Variants in ZSCAN5A observed in about 807,000 individuals in gnomAD.
ZSCAN5A encodes the protein zinc finger and SCAN domain containing 5A.
Under a neutral mutation model 23.7 loss-of-function variants are expected in ZSCAN5A, and 12 were observed. The observed-to-expected ratio is 0.51, with a 90% CI of 0.32 to 0.82. The LOEUF is 0.82. Among genes scored for constraint, ZSCAN5A ranks in the 40% least tolerant of loss-of-function variants. The pLI, the probability that ZSCAN5A is intolerant of heterozygous loss-of-function variation, is 0.03. For missense variants in ZSCAN5A, 597 were observed against 617.9 expected (o/e 0.97, Z 0.36); for synonymous variants, 257 against 239.9 (o/e 1.07, Z -0.66).
chr19:56,234,980 C>A (rs1049292609), intron 2 of ZSCAN5A, among the ~76,000 whole-genome samples: 3 of 152,244 alleles, frequency 2.0e-5, no homozygotes, highest in African/African-American at 7.2e-5. Context: ...GCAGCCAGTT[C>A]TAGGCAAGAT....
At chr19:56,318,448 A>G (rs10418888), upstream of ZSCAN5A, among the ~76,000 whole-genome samples, 54,672 of 151,962 alleles carry the variant, frequency 0.36, 10,111 homozygotes, top group Middle Eastern at 0.55. Flanking sequence ...TCCAATCTAG[A>G]ACAATAACCC....
intron 2 of ZSCAN5A, among the ~76,000 whole-genome samples, chr19:56,276,504 CTCTT>C (rs1421000410): frequency 1.0e-5 from 1 of 97,058 alleles, no homozygotes; most frequent in Non-Finnish European, 2.6e-5. Context: ...ATCTAAAGAG[CTCTT>C]TTTTTTTTTT....
At chr19:56,280,520 T>C (rs1174416418) in intron 2 of ZSCAN5A, 1 of 152,176 alleles carries the variant, frequency 6.6e-6, no homozygotes. Flanking sequence ...TATATATAGA[T>C]ATATATTTCT....
At chr19:56,239,162 C>A (rs2035214291) in intron 2 of ZSCAN5A, among the ~76,000 whole-genome samples, 1 of 152,166 alleles carries the variant, frequency 6.6e-6, no homozygotes, top group Admixed American at 6.5e-5. Context: ...TTGAAGTTCA[C>A]AAAATTCAGT....
At chr19:56,269,616 C>T (rs1003333401) in intron 2 of ZSCAN5A, among the ~76,000 whole-genome samples, 4 of 152,026 alleles carry the variant, frequency 2.6e-5, no homozygotes, top group East Asian at 1.9e-4. Context: ...CAGAGGGAGA[C>T]GGAATGATGA....
chr19:56,349,893 T>C (rs912271922), intron 2 of ZSCAN5A, among the ~76,000 whole-genome samples: 7 of 152,214 alleles, frequency 4.6e-5, no homozygotes, highest in African/African-American at 1.7e-4. Flanking sequence ...AATGCATATT[T>C]GCAGAGAGAT....
intron 2 of ZSCAN5A, chr19:56,321,906 T>C (rs967955192): frequency 1.3e-6 from 1 of 784,326 alleles, no homozygotes; most frequent in African/African-American, 1.7e-5. Context: ...TCTGTTACCA[T>C]CCGGTACTGC....
intron 2 of ZSCAN5A, among the ~76,000 whole-genome samples, chr19:56,268,701 G>A (rs144633282): frequency 2.0e-5 from 3 of 152,076 alleles, no homozygotes; most frequent in Non-Finnish European, 4.4e-5. Flanking sequence ...GTGCATTCTC[G>A]ATGTTGTTCA....
At chr19:56,349,704 CAAAAAAAAAAAA>C (rs3059533) in intron 2 of ZSCAN5A, among the ~76,000 whole-genome samples, 7 of 30,904 alleles carry the variant, frequency 2.3e-4, no homozygotes, top group Admixed American at 9.6e-4. Flanking sequence ...AACTCCGTCT[CAAAAAAAAAAAA>C]AAAAAAAAAA....
chr19:56,346,758 G>A (rs2041636517), intron 2 of ZSCAN5A, among the ~76,000 whole-genome samples: 1 of 151,800 alleles, frequency 6.6e-6, no homozygotes. Flanking sequence ...GCCCAGGCTG[G>A]AGTGTAGTGG....
chr19:56,304,072 G>C (rs888555195), intron 2 of ZSCAN5A, among the ~76,000 whole-genome samples: 3 of 152,176 alleles, frequency 2.0e-5, no homozygotes, highest in Non-Finnish European at 2.9e-5. Context: ...TCCCTTCTGA[G>C]TTATCAAAGG....
chr19:56,305,603 A>G (rs1018535589), intron 2 of ZSCAN5A, among the ~76,000 whole-genome samples: 2 of 152,208 alleles, frequency 1.3e-5, no homozygotes, highest in Admixed American at 1.3e-4. Context: ...TGGAATTGCT[A>G]GGTCATATGA....
At chr19:56,322,046 C>T (rs747992341) in intron 2 of ZSCAN5A, 33 of 773,812 alleles carry the variant, frequency 4.3e-5, no homozygotes, top group East Asian at 7.3e-5. Context: ...CCTCTGGTGA[C>T]GGCATCTAGT....
chr19:56,227,239 T>A (rs919156613), intron 2 of ZSCAN5A, among the ~76,000 whole-genome samples: 7 of 152,378 alleles, frequency 4.6e-5, no homozygotes, highest in Non-Finnish European at 1.0e-4. Flanking sequence ...TTTAGCCATT[T>A]AACAATGTTT....
At chr19:56,234,204 A>G (rs973390190) in intron 2 of ZSCAN5A, among the ~76,000 whole-genome samples, 6 of 152,248 alleles carry the variant, frequency 3.9e-5, no homozygotes, top group Non-Finnish European at 8.8e-5. Context: ...TCCCATTTTC[A>G]AGGTCTTCCT....
At chr19:56,244,270 C>A (rs777960862) in intron 2 of ZSCAN5A, 44 of 1,608,536 alleles carry the variant, frequency 2.7e-5, no homozygotes, top group Non-Finnish European at 3.4e-5. Context: ...TGAGGCCCGA[C>A]CTCCACACCA....
At chr19:56,314,331 C>A (rs1250460480) in intron 1 of ZSCAN5A, 1 of 152,076 alleles carries the variant, frequency 6.6e-6, no homozygotes, top group East Asian at 1.9e-4. Context: ...TGGCGACAGG[C>A]GTGAAAGGAA....
At chr19:56,271,640 T>C (rs548192310) in intron 2 of ZSCAN5A, among the ~76,000 whole-genome samples, 1 of 152,284 alleles carries the variant, frequency 6.6e-6, no homozygotes, top group African/African-American at 2.4e-5. Context: ...CAGCTTGTAC[T>C]AGGGATTGAA....
chr19:56,342,705 G>A, intron 2 of ZSCAN5A: 1 of 638,070 alleles, frequency 1.6e-6, no homozygotes, highest in Admixed American at 2.4e-5. Context: ...CTATACATCT[G>A]TTTTTCCTCT....
Sources: gnomAD v4.1 joint callset for allele counts (sites outside exome capture counted in the v4.1 genomes callset) on GRCh38, gnomAD v4.1.1 for gene constraint, MANE v1.5 for transcripts, NCBI Gene and HGNC (gene_info 2026-07-23, HGNC 2026-07-21) for gene names.